GLI2: variants seen among roughly 807,000 people sequenced by gnomAD.
GLI2 encodes GLI family zinc finger 2.
GLI2 carries 22 observed loss-of-function variants against 78.9 expected under a neutral mutation model. The ratio of observed to expected loss-of-function variants is 0.28; its 90% CI spans 0.20 to 0.40. The LOEUF (loss-of-function observed/expected upper bound fraction) is 0.40. GLI2 is among the 10% of genes least tolerant of loss of function. GLI2 has a pLI of 1.00. For missense variants in GLI2, 2,097 were observed against 2,213.2 expected (o/e 0.95, Z 1.05); for synonymous variants, 974 against 963.7 (o/e 1.01, Z -0.20).
chr2:120,790,148 G>A (rs901378719), intron 1 of GLI2, among the ~76,000 whole-genome samples: 1 of 152,162 alleles, frequency 6.6e-6, no homozygotes, highest in Non-Finnish European at 1.5e-5. Flanking sequence ...TCTTCCAGAT[G>A]TGTCTCCCTT....
chr2:120,877,764 G>A (rs1257891892), intron 2 of GLI2, among the ~76,000 whole-genome samples: 1 of 152,096 alleles, frequency 6.6e-6, no homozygotes, highest in Non-Finnish European at 1.5e-5. Flanking sequence ...ATATACCAAC[G>A]TTTTCTGATG....
intron 2 of GLI2, among the ~76,000 whole-genome samples, chr2:120,918,062 G>A (rs1032141118): frequency 6.6e-6 from 1 of 152,234 alleles, no homozygotes; most frequent in Non-Finnish European, 1.5e-5. Context: ...CAAGCAGTGA[G>A]TTTGCACAGA....
intron 2 of GLI2, among the ~76,000 whole-genome samples, chr2:120,804,063 G>A (rs1386513201): frequency 6.6e-6 from 1 of 152,158 alleles, no homozygotes; most frequent in Non-Finnish European, 1.5e-5. Flanking sequence ...GGCCCTGCTG[G>A]GTTCTTGGAA....
intron 2 of GLI2, among the ~76,000 whole-genome samples, chr2:120,892,392 T>A (rs560971341): frequency 1.3e-5 from 2 of 152,200 alleles, no homozygotes; most frequent in Non-Finnish European, 2.9e-5. Context: ...CAGGCCTCTG[T>A]CTGCCCCTTG....
intron 2 of GLI2, 110 bp from the exon 3 acceptor site, chr2:120,927,251 T>C: frequency 1.2e-6 from 1 of 830,088 alleles, no homozygotes; most frequent in East Asian, 2.4e-5. Context: ...GAGCCCCTTG[T>C]CCTGGCTGCT....
intron 2 of GLI2, among the ~76,000 whole-genome samples, chr2:120,909,661 T>C (rs981764982): frequency 5.3e-5 from 8 of 151,938 alleles, no homozygotes; most frequent in African/African-American, 1.7e-4. Flanking sequence ...GTCAGGAGAT[T>C]GAGACCATCC....
intron 1 of GLI2, among the ~76,000 whole-genome samples, chr2:120,793,570 C>T (rs1213994930): frequency 6.6e-6 from 1 of 152,184 alleles, no homozygotes; most frequent in Non-Finnish European, 1.5e-5. Flanking sequence ...CCCGCTAATT[C>T]CTGTGATTTA....
intron 1 of GLI2, among the ~76,000 whole-genome samples, chr2:120,750,857 C>T (rs988716250): frequency 2.6e-5 from 4 of 152,232 alleles, no homozygotes; most frequent in Non-Finnish European, 4.4e-5. Flanking sequence ...CTAAGATGTG[C>T]CTGGTACAGC....
chr2:120,982,781 C>A lies in GLI2; in HGVS notation c.1533C>A (p.Thr511=). 6.2e-7 allele frequency: 1 copy of A among 1,613,996 alleles called. No individual in the cohort carries two copies. Among genetic ancestry groups the A allele is most frequent in the Middle Eastern group, 1.7e-4 (1 of 6,058 alleles). ...ENLKTHLRSH[T]GEKPYVCEHE... ...TGAAGACACACCTGCGGTCCCACAC[C>A]GGGGAGAAGCCATATGTGTGTGAGC... The change falls in exon 11 of 14, where the codon ACC becomes ACA. Residue 511 remains threonine, a synonymous_variant. Transcript: ENST00000361492.
chr2:120,938,448 G>T (rs1030401987), intron 3 of GLI2, among the ~76,000 whole-genome samples: 5 of 152,262 alleles, frequency 3.3e-5, no homozygotes, highest in African/African-American at 9.6e-5. Flanking sequence ...TGTGGACCAC[G>T]TGGCTAGATT....
At chr2:120,771,204 G>A (rs1005839795) in intron 1 of GLI2, among the ~76,000 whole-genome samples, 2 of 152,258 alleles carry the variant, frequency 1.3e-5, no homozygotes, top group South Asian at 4.1e-4. Context: ...GGCACAGAGA[G>A]TGGTGGCAGC....
At position 120,972,018 on chromosome 2, in the gene GLI2, C is replaced by T. The variant is rs1319332957; in HGVS notation, c.1137C>T (p.Thr379=). ...TTCACAAGCGCAGCAAGGTCAAGAC[C>T]GAGCCTGAGGGCCTGCGGCCGGCCT... ...VAIHKRSKVK[T]EPEGLRPASP... The change falls in exon 8 of 14, where the codon ACC becomes ACT. Residue 379 remains threonine (T), a synonymous_variant. Transcript: ENST00000361492. The T allele has an allele frequency of 6.8e-6, 11 of 1,613,448 alleles. No homozygotes were observed. The highest frequency in any genetic ancestry group is 2.2e-5 in the East Asian group (1 of 44,900).
At chr2:120,862,757 G>A (rs1195123876) in intron 2 of GLI2, among the ~76,000 whole-genome samples, 1 of 152,228 alleles carries the variant, frequency 6.6e-6, no homozygotes, top group Non-Finnish European at 1.5e-5. Flanking sequence ...GCGAGTGTGG[G>A]GTTAGCAATA....
chr2:120,902,692 C>T (rs1367569133), intron 2 of GLI2, among the ~76,000 whole-genome samples: 2 of 152,238 alleles, frequency 1.3e-5, no homozygotes, highest in African/African-American at 4.8e-5. Flanking sequence ...CCGGGTCCCT[C>T]CTGGGTGATG....
At chr2:120,752,080 A>G (rs1027788490) in intron 1 of GLI2, among the ~76,000 whole-genome samples, 40 of 152,100 alleles carry the variant, frequency 2.6e-4, no homozygotes, top group African/African-American at 9.7e-4. Flanking sequence ...CCATTTCTCT[A>G]TTGATATAGA....
intron 1 of GLI2, among the ~76,000 whole-genome samples, chr2:120,764,322 C>T (rs183328713): frequency 6.6e-6 from 1 of 152,196 alleles, no homozygotes; most frequent in African/African-American, 2.4e-5. Context: ...CACCTCCAGG[C>T]GGTCAGGAGC....
intron 1 of GLI2, among the ~76,000 whole-genome samples, chr2:120,770,570 C>T (rs985027078): frequency 1.3e-5 from 2 of 152,168 alleles, no homozygotes; most frequent in Non-Finnish European, 2.9e-5. Context: ...GACAGCCACA[C>T]GCTGCCTGCT....
intron 2 of GLI2, among the ~76,000 whole-genome samples, chr2:120,848,902 T>A (rs1687253632): frequency 6.6e-6 from 1 of 152,072 alleles, no homozygotes; most frequent in South Asian, 2.1e-4. Flanking sequence ...GTCTGCACAC[T>A]CTGTCATGTA....
chr2:120,878,306 G>A (rs570833675), intron 2 of GLI2, among the ~76,000 whole-genome samples: 69 of 152,264 alleles, frequency 4.5e-4, no homozygotes, highest in Non-Finnish European at 9.4e-4. Context: ...ATTTCTTCTT[G>A]CCAATAATGG....
Sources: gnomAD v4.1 joint callset for allele counts (sites outside exome capture counted in the v4.1 genomes callset) on GRCh38, gnomAD v4.1.1 for gene constraint, MANE v1.5 for transcripts, NCBI Gene and HGNC (gene_info 2026-07-23, HGNC 2026-07-21) for gene names.